Variants in CHST11 observed in about 807,000 individuals in gnomAD.
CHST11 encodes the protein C4S-1.
A neutral mutation model predicts 30.4 loss-of-function variants in CHST11; 9 were observed. That is an observed-to-expected ratio of 0.30 (90% confidence interval 0.18 to 0.52). The LOEUF (loss-of-function observed/expected upper bound fraction) is 0.52, where lower values mean the gene tolerates loss of function less well. Ranked by LOEUF, CHST11 falls within the 20% of genes least tolerant of loss-of-function variation. The pLI, the probability that CHST11 is intolerant of heterozygous loss-of-function variation, is 0.97. For missense variants in CHST11, 348 were observed against 460.6 expected (o/e 0.76, Z 2.24); for synonymous variants, 152 against 187.8 (o/e 0.81, Z 1.56).
intron 2 of CHST11, among the ~76,000 whole-genome samples, chr12:104,663,146 G>A (rs1175858126): frequency 1.3e-5 from 2 of 152,260 alleles, no homozygotes; most frequent in East Asian, 3.8e-4. Flanking sequence ...TGTTGGGTCA[G>A]TGCAACAAGG....
chr12:104,682,911 C>T (rs1383772755), intron 2 of CHST11, among the ~76,000 whole-genome samples: 3 of 152,226 alleles, frequency 2.0e-5, no homozygotes, highest in Admixed American at 6.5e-5. Context: ...AAGTACCAAC[C>T]CTGTGTCCAG....
In CHST11 at chr12:104,598,848, T is replaced by C. The variant is rs146654824; in HGVS notation, c.119-3058T>C. Among the ~76,000 whole-genome samples, 360 of 150,766 alleles carry C rather than the reference T, an allele frequency of 2.4e-3. 3 individuals are homozygous for C. The highest frequency in any genetic ancestry group is 8.3e-3 in the African/African-American group (343 of 41,122). Reference sequence around the variant, plus strand: ...CCACCCTGGTGGGTGGGGTGGGCCTTGACTCAGTGGTCTGTATCCTCGTGG... The same window carrying C: ...CCACCCTGGTGGGTGGGGTGGGCCTCGACTCAGTGGTCTGTATCCTCGTGG... On this transcript the variant is annotated intron_variant, in intron 1 of 2. Coordinates refer to ENST00000303694, the MANE Select transcript of CHST11 (RefSeq NM_018413.6).
At chr12:104,626,578 CA>C (rs34633763) in intron 2 of CHST11, among the ~76,000 whole-genome samples, 7,585 of 78,140 alleles carry the variant, frequency 0.097, 451 homozygotes, top group East Asian at 0.28. Flanking sequence ...CCTCCCCACC[CA>C]AAAAAAAAAA....
At chr12:104,488,120 A>G (rs1175004985) in intron 1 of CHST11, among the ~76,000 whole-genome samples, 1 of 151,332 alleles carries the variant, frequency 6.6e-6, no homozygotes, top group African/African-American at 2.4e-5. Context: ...CTGGCAACTA[A>G]TTTTTTTATA....
intron 1 of CHST11, among the ~76,000 whole-genome samples, chr12:104,524,344 C>T (rs1213886872): frequency 1.3e-5 from 2 of 152,136 alleles, no homozygotes; most frequent in African/African-American, 4.8e-5. Context: ...TCAGTAGTGG[C>T]CTGCATTTGA....
At chr12:104,606,042 C>T (rs549405292) in intron 2 of CHST11, among the ~76,000 whole-genome samples, 2 of 151,924 alleles carry the variant, frequency 1.3e-5, no homozygotes, top group East Asian at 3.9e-4. Context: ...CAGGGCTGTC[C>T]GTGAATTTAT....
intron 2 of CHST11, among the ~76,000 whole-genome samples, chr12:104,755,254 A>G (rs1204536567): frequency 1.3e-5 from 2 of 152,128 alleles, no homozygotes; most frequent in African/African-American, 4.8e-5. Flanking sequence ...TGACTGGAGG[A>G]TTTCACGGAT....
At chr12:104,627,125 T>A (rs2039223218) in intron 2 of CHST11, among the ~76,000 whole-genome samples, 2 of 152,218 alleles carry the variant, frequency 1.3e-5, no homozygotes, top group South Asian at 4.1e-4. Context: ...GTCTTTCACT[T>A]TGTAATATGC....
chr12:104,465,866 T>C (rs2037452040), intron 1 of CHST11, among the ~76,000 whole-genome samples: 1 of 152,094 alleles, frequency 6.6e-6, no homozygotes, highest in Non-Finnish European at 1.5e-5. Flanking sequence ...TATTTTTTAA[T>C]TTAATTTAAT....
At chr12:104,574,915 G>T (rs1452645682) in intron 1 of CHST11, among the ~76,000 whole-genome samples, 1 of 152,020 alleles carries the variant, frequency 6.6e-6, no homozygotes, top group Non-Finnish European at 1.5e-5. Context: ...GTAGAGGCCG[G>T]GCGTGGTGAC....
chr12:104,662,223 G>T (rs1363786693), intron 2 of CHST11, among the ~76,000 whole-genome samples: 1 of 152,208 alleles, frequency 6.6e-6, no homozygotes, highest in Non-Finnish European at 1.5e-5. Flanking sequence ...CAAGATCTGG[G>T]TTTGAGTGTC....
intron 2 of CHST11, among the ~76,000 whole-genome samples, chr12:104,685,453 ATTTTGAACACCTTTTCTCCAT>A (rs1457548218): frequency 3.9e-5 from 6 of 152,232 alleles, no homozygotes; most frequent in African/African-American, 1.4e-4. Flanking sequence ...CCAATGATAA[ATTTTGAACACCTTTTCTCCAT>A]TTTTGAATAT....
rs955558386 is a variant in CHST11, at chr12:104,465,189, A to T, written c.118+7660A>T. Among the ~76,000 whole-genome samples the T allele has an allele frequency of 1.7e-4, 26 of 152,212 alleles. 1 individual carries two copies. Among genetic ancestry groups the T allele is most frequent in the Admixed American group, 2.0e-4 (3 of 15,290 alleles). On this transcript the variant is annotated intron_variant, in intron 1 of 2. Coordinates refer to ENST00000303694, the MANE Select transcript of CHST11 (RefSeq NM_018413.6). ...AAAATGGCATTCCTCCAAGATGCAG[A>T]GTCTGAGGGCTCAAAAGTACCTGGT...
At chr12:104,505,978 G>T (rs2037900718) in intron 1 of CHST11, among the ~76,000 whole-genome samples, 1 of 152,234 alleles carries the variant, frequency 6.6e-6, no homozygotes, top group Non-Finnish European at 1.5e-5. Flanking sequence ...GGGGTGGGAA[G>T]TGAGGCTGGA....
At chr12:104,526,417 C>T (rs1176194589) in intron 1 of CHST11, among the ~76,000 whole-genome samples, 1 of 152,150 alleles carries the variant, frequency 6.6e-6, no homozygotes, top group Non-Finnish European at 1.5e-5. Context: ...TGACTCTTTT[C>T]CCCAGTTCAG....
intron 2 of CHST11, among the ~76,000 whole-genome samples, chr12:104,731,463 G>T (rs745603371): frequency 1.1e-4 from 16 of 152,324 alleles, no homozygotes; most frequent in East Asian, 3.9e-4. Flanking sequence ...GACCTGAAAG[G>T]CTTCTCCCGG....
rs188947677 is a variant in CHST11, at chr12:104,545,919, G to A, written c.119-55987G>A. The stretch of plus-strand genomic sequence containing the variant: ...CAGCTCACTGCAACCTCCACCTTCC[G>A]GGCTCAGGTGATCCTCCCATCTCAG... On this transcript the variant is annotated intron_variant, in intron 1 of 2. Coordinates refer to ENST00000303694, the MANE Select transcript of CHST11 (RefSeq NM_018413.6). Among the ~76,000 whole-genome samples the A allele has an allele frequency of 3.0e-3, 457 of 152,028 alleles. 4 individuals carry two copies. Among genetic ancestry groups the A allele is most frequent in the Admixed American group, 6.2e-3 (95 of 15,262 alleles).
At chr12:104,533,102 C>T (rs1007732149) in intron 1 of CHST11, among the ~76,000 whole-genome samples, 2 of 152,140 alleles carry the variant, frequency 1.3e-5, no homozygotes, top group Non-Finnish European at 2.9e-5. Flanking sequence ...TGATGAGCTC[C>T]CAATTACTCA....
At chr12:104,563,803 C>T (rs1236327436) in intron 1 of CHST11, among the ~76,000 whole-genome samples, 2 of 151,436 alleles carry the variant, frequency 1.3e-5, no homozygotes, top group African/African-American at 4.9e-5. Flanking sequence ...ATGTAAGGGG[C>T]TTTCTGGGGT....
Sources: allele counts gnomAD v4.1 joint callset (sites outside exome capture counted in the v4.1 genomes callset), GRCh38; gene constraint gnomAD v4.1.1; transcripts MANE v1.5; gene names NCBI Gene and HGNC (gene_info 2026-07-23, HGNC 2026-07-21).